The following FRMD4A variants were observed in gnomAD, a reference collection of about 807,000 sequenced individuals.
The protein encoded by FRMD4A is FERM domain containing 4A.
Under a neutral mutation model 129.1 loss-of-function variants are expected in FRMD4A, and 29 were observed. The ratio of observed to expected loss-of-function variants is 0.22; its 90% confidence interval spans 0.17 to 0.31. The LOEUF (loss-of-function observed/expected upper bound fraction) is 0.31. Ranked by LOEUF, FRMD4A falls within the 10% of genes least tolerant of loss-of-function variation. The probability of loss-of-function intolerance (pLI) is 1.00; values close to 1 mark genes in which losing one functional copy is unlikely to be tolerated. For synonymous variants in FRMD4A, 634 were observed against 571.6 expected (o/e 1.11, Z -1.56); for missense variants, 1,272 against 1,375.8 (o/e 0.92, Z 1.19).
rs527868292 is a variant in FRMD4A at position 14,250,403 on chromosome 10, A to G, written c.45+79655T>C. Among the ~76,000 whole-genome samples the G allele has an allele frequency of 1.5e-4, 23 of 152,362 alleles. No homozygotes were observed. The South Asian group carries it at 4.6e-3, about 30-fold the overall frequency. ...CCTGGTGAAAATGGCGTCTTGTTTTATAAGCTGTTGCCTCCTCTACTTTTT... is the reference window on the plus strand; with the variant it reads ...CCTGGTGAAAATGGCGTCTTGTTTTGTAAGCTGTTGCCTCCTCTACTTTTT... On this transcript the variant is annotated intron_variant, in intron 2 of 24. Transcript: ENST00000357447.
intron 12 of FRMD4A, among the ~76,000 whole-genome samples, chr10:13,708,738 A>C (rs981686634): frequency 1.3e-5 from 2 of 152,224 alleles, no homozygotes; most frequent in Non-Finnish European, 1.5e-5. Flanking sequence ...GTCCTGTCTG[A>C]TGCTTGGCCA....
At chr10:13,812,026 G>A (rs1337785445) in intron 3 of FRMD4A, among the ~76,000 whole-genome samples, 2 of 152,012 alleles carry the variant, frequency 1.3e-5, no homozygotes, top group Non-Finnish European at 2.9e-5. Context: ...GGGACTACAG[G>A]TGCGTGCCAC....
chr10:13,977,262 G>A (rs2095545224), intron 2 of FRMD4A, among the ~76,000 whole-genome samples: 1 of 152,164 alleles, frequency 6.6e-6, no homozygotes, highest in African/African-American at 2.4e-5. Flanking sequence ...ACTTTTCCAG[G>A]TCTTAACTAC....
chr10:14,184,533 G>A (rs1464831716), intron 2 of FRMD4A, among the ~76,000 whole-genome samples: 1 of 151,882 alleles, frequency 6.6e-6, no homozygotes, highest in East Asian at 1.9e-4. Flanking sequence ...TGTTAAAAAA[G>A]GTATTTTTTG....
chr10:14,137,786 G>A lies in FRMD4A; in HGVS notation c.45+192272C>T, dbSNP rs191888378. Reference sequence around the variant, plus strand: ...GGCACTCCCTGCCCTCCTTTGCTACGCACTAATTTAATTTTAATTCTAGCT... The same window carrying A: ...GGCACTCCCTGCCCTCCTTTGCTACACACTAATTTAATTTTAATTCTAGCT... On this transcript the variant is annotated intron_variant, in intron 2 of 24. Coordinates refer to ENST00000357447, the MANE Select transcript of FRMD4A (RefSeq NM_018027.5). 3.6e-4 allele frequency among the ~76,000 whole-genome samples: 55 copies of A among 152,124 alleles called. No homozygotes were observed. The East Asian group carries it at 4.4e-3, about 12-fold the overall frequency.
intron 2 of FRMD4A, among the ~76,000 whole-genome samples, chr10:13,943,116 A>G (rs2095305659): frequency 6.6e-6 from 1 of 152,124 alleles, no homozygotes; most frequent in Non-Finnish European, 1.5e-5. Context: ...TTACAATTAC[A>G]TTTGGGAGGA....
chr10:14,328,659 T>TGTGC (rs398054139), intron 2 of FRMD4A, among the ~76,000 whole-genome samples: 84 of 143,322 alleles, frequency 5.9e-4, no homozygotes, highest in Non-Finnish European at 8.8e-4. Context: ...TGTGTGTGTG[T>TGTGC]GCATATGTGT....
At chr10:13,811,585 A>G (rs1028043169) in intron 3 of FRMD4A, among the ~76,000 whole-genome samples, 4 of 151,528 alleles carry the variant, frequency 2.6e-5, no homozygotes, top group Admixed American at 2.6e-4. Flanking sequence ...AAAAAAAAAA[A>G]AGATATCTGC....
rs140275457 is a variant in FRMD4A, at chr10:13,903,706, T to TAA, written c.46-44796_46-44795dup. Reference sequence around the variant, plus strand: ...GGGCAACATAGCAAGACCCCATCTCTAAAAAAATAAAAATAAAAAAAAAAT... The same window carrying TAA: ...GGGCAACATAGCAAGACCCCATCTCTAAAAAAAAATAAAAATAAAAAAAAAAT... On this transcript the variant is annotated intron_variant, in intron 2 of 24. Coordinates refer to ENST00000357447, the MANE Select transcript of FRMD4A (RefSeq NM_018027.5). 1.1e-3 allele frequency among the ~76,000 whole-genome samples: 166 copies of TAA among 149,958 alleles called. 1 individual carries two copies. Among genetic ancestry groups the TAA allele is most frequent in the Middle Eastern group, 6.8e-3 (2 of 292 alleles).
chr10:14,249,351 T>TAA (rs71388170), intron 2 of FRMD4A, among the ~76,000 whole-genome samples: 107 of 143,778 alleles, frequency 7.4e-4, no homozygotes, highest in East Asian at 3.8e-3. Context: ...GAATCTGTCT[T>TAA]AAAAAAAAAA....
intron 2 of FRMD4A, among the ~76,000 whole-genome samples, chr10:14,186,851 G>A (rs1054777478): frequency 6.6e-6 from 1 of 152,020 alleles, no homozygotes; most frequent in African/African-American, 2.4e-5. Context: ...CCAGTATGGT[G>A]GTTCATGCCT....
chr10:14,139,704 C>T (rs1055038657), intron 2 of FRMD4A, among the ~76,000 whole-genome samples: 7 of 152,292 alleles, frequency 4.6e-5, no homozygotes, highest in Admixed American at 1.3e-4. Context: ...CCCACTTCAG[C>T]CTCTCAGACT....
chr10:14,222,642 A>G (rs1192589294), intron 2 of FRMD4A, among the ~76,000 whole-genome samples: 2 of 152,176 alleles, frequency 1.3e-5, no homozygotes, highest in Admixed American at 6.6e-5. Flanking sequence ...GTCCCACTCA[A>G]ATTGTGTTTC....
At chr10:13,781,335 G>A (rs1428724998) in intron 6 of FRMD4A, among the ~76,000 whole-genome samples, 3 of 127,724 alleles carry the variant, frequency 2.3e-5, no homozygotes, top group Non-Finnish European at 3.3e-5. Context: ...AAAAAGGAAG[G>A]AAATTCTGAT....
At chr10:13,702,528 ATG>A (rs1039597668) in intron 13 of FRMD4A, among the ~76,000 whole-genome samples, 1 of 133,626 alleles carries the variant, frequency 7.5e-6, no homozygotes, top group African/African-American at 2.9e-5. Context: ...AAATCTAAGA[ATG>A]TGTGTTTGCA....
chr10:13,780,959 T>G (rs2092717330), intron 6 of FRMD4A, among the ~76,000 whole-genome samples: 1 of 131,048 alleles, frequency 7.6e-6, no homozygotes, highest in African/African-American at 2.9e-5. Flanking sequence ...GATGTATGAA[T>G]GGATCAACAA....
At chr10:13,720,334 C>T (rs1250158913) in intron 12 of FRMD4A, among the ~76,000 whole-genome samples, 1 of 152,234 alleles carries the variant, frequency 6.6e-6, no homozygotes, top group Non-Finnish European at 1.5e-5. Flanking sequence ...CAGGCATGAG[C>T]TACTGCACCT....
intron 8 of FRMD4A, among the ~76,000 whole-genome samples, chr10:13,754,913 A>C (rs1170171546): frequency 6.6e-6 from 1 of 152,182 alleles, no homozygotes; most frequent in African/African-American, 2.4e-5. Flanking sequence ...GGTCAATTTA[A>C]AAATCGTAGG....
At chr10:13,921,283 GAC>G (rs2095070411) in intron 2 of FRMD4A, among the ~76,000 whole-genome samples, 1 of 5,520 alleles carries the variant, frequency 1.8e-4, no homozygotes. Flanking sequence ...TTTCTTTCTT[GAC>G]AGATTCTCAC....
Sources: allele counts gnomAD v4.1 joint callset (sites outside exome capture counted in the v4.1 genomes callset), GRCh38; gene constraint gnomAD v4.1.1; transcripts MANE v1.5; gene names NCBI Gene and HGNC (gene_info 2026-07-23, HGNC 2026-07-21).